The following RABGAP1L variants were observed in gnomAD, a reference collection of about 807,000 sequenced individuals.
RABGAP1L encodes the protein rab GTPase-activating protein 1-like.
RABGAP1L carries 63 observed loss-of-function variants against 137.7 expected under a neutral mutation model. The observed-to-expected ratio is 0.46, with a 90% CI of 0.37 to 0.56. The LOEUF is 0.56. Among genes scored for constraint, RABGAP1L ranks in the 20% least tolerant of loss-of-function variants. RABGAP1L has a pLI of 0.00. For synonymous variants in RABGAP1L, 431 were observed against 433.7 expected, an observed-to-expected ratio of 0.99 and a Z score of 0.08; for missense variants, 1,095 against 1,244.0, an observed-to-expected ratio of 0.88 and a Z score of 1.80.
At chr1:174,678,859 T>C (rs1677843833) in intron 14 of RABGAP1L, among the ~76,000 whole-genome samples, 1 of 152,234 alleles carries the variant, frequency 6.6e-6, no homozygotes, top group East Asian at 1.9e-4. Context: ...GGGCGCCACC[T>C]CACTGGATCA....
chr1:174,257,054 A>C (rs1201675806), intron 7 of RABGAP1L, among the ~76,000 whole-genome samples: 1 of 152,104 alleles, frequency 6.6e-6, no homozygotes, highest in Non-Finnish European at 1.5e-5. Context: ...TCCTCCCCCC[A>C]GTACTATATA....
chr1:174,780,016 A>G (rs1158398249), intron 18 of RABGAP1L, among the ~76,000 whole-genome samples: 2 of 151,936 alleles, frequency 1.3e-5, no homozygotes, highest in East Asian at 3.9e-4. Context: ...CAGTGAGCCG[A>G]GATAGTGCCA....
chr1:174,240,938 TTG>T (rs71958106), intron 4 of RABGAP1L, among the ~76,000 whole-genome samples: 84,438 of 150,402 alleles, frequency 0.56, 25,376 homozygotes, highest in African/African-American at 0.8. Context: ...ATGTGTGTGT[TTG>T]TGTGTGTGTG....
intron 11 of RABGAP1L, among the ~76,000 whole-genome samples, chr1:174,368,410 T>C (rs979189090): frequency 6.6e-6 from 1 of 152,218 alleles, no homozygotes; most frequent in Non-Finnish European, 1.5e-5. Flanking sequence ...AAAAGATTGT[T>C]CTTATTTAAA....
intron 13 of RABGAP1L, among the ~76,000 whole-genome samples, chr1:174,467,517 C>T (rs977210541): frequency 1.3e-5 from 2 of 151,910 alleles, no homozygotes; most frequent in Non-Finnish European, 2.9e-5. Flanking sequence ...TTATCTATAC[C>T]AGGGAAGAGA....
intron 11 of RABGAP1L, among the ~76,000 whole-genome samples, chr1:174,333,451 A>C (rs1681209732): frequency 6.6e-6 from 1 of 152,236 alleles, no homozygotes; most frequent in Admixed American, 6.5e-5. Context: ...TAATTATTAC[A>C]TGTCAACAAA....
chr1:174,901,001 T>C (rs1658046349), intron 19 of RABGAP1L, among the ~76,000 whole-genome samples: 1 of 152,222 alleles, frequency 6.6e-6, no homozygotes, highest in Non-Finnish European at 1.5e-5. Context: ...CTTTTTATTC[T>C]TTTTTCTCTA....
At chr1:174,596,882 C>G (rs549531816) in intron 13 of RABGAP1L, among the ~76,000 whole-genome samples, 1 of 151,984 alleles carries the variant, frequency 6.6e-6, no homozygotes, top group Non-Finnish European at 1.5e-5. Context: ...AAGTATGTTT[C>G]TTCTCTATCC....
chr1:174,198,220 T>G (rs1398657646), intron 1 of RABGAP1L, among the ~76,000 whole-genome samples: 1 of 152,228 alleles, frequency 6.6e-6, no homozygotes. Context: ...TTCTTGATTT[T>G]TAAATATTCA....
intron 10 of RABGAP1L, among the ~76,000 whole-genome samples, chr1:174,293,243 T>C: frequency 6.6e-6 from 1 of 151,920 alleles, no homozygotes; most frequent in East Asian, 1.9e-4. Context: ...ATATGAAGAG[T>C]TTGTAAAGAA....
intron 13 of RABGAP1L, among the ~76,000 whole-genome samples, chr1:174,522,141 A>C (rs1221542268): frequency 6.6e-6 from 1 of 152,124 alleles, no homozygotes; most frequent in African/African-American, 2.4e-5. Context: ...CTAGGCCGTC[A>C]TACAGTAAAG....
chr1:174,709,484 CA>C (rs2148548134), intron 17 of RABGAP1L, among the ~76,000 whole-genome samples: 1 of 152,314 alleles, frequency 6.6e-6, no homozygotes, highest in African/African-American at 2.4e-5. Context: ...AAGGAACAGA[CA>C]GCGATCTTTG....
At chr1:174,172,782 CA>C (rs1665524046) in intron 1 of RABGAP1L, among the ~76,000 whole-genome samples, 1 of 152,126 alleles carries the variant, frequency 6.6e-6, no homozygotes, top group Admixed American at 6.5e-5. Flanking sequence ...ACATAGTTTG[CA>C]AATATTTTCT....
At chr1:174,589,403 C>T (rs1260526783) in intron 13 of RABGAP1L, among the ~76,000 whole-genome samples, 1 of 152,118 alleles carries the variant, frequency 6.6e-6, no homozygotes, top group African/African-American at 2.4e-5. Context: ...TGTAGATTAT[C>T]TCTTCACTTC....
At chr1:174,618,905 G>A (rs61826921) in intron 13 of RABGAP1L, among the ~76,000 whole-genome samples, 13,682 of 152,142 alleles carry the variant, frequency 0.09, 827 homozygotes, top group East Asian at 0.22. Flanking sequence ...AAATTTAGAC[G>A]AATGTATAAC....
At chr1:174,748,947 C>T (rs759995970) in intron 17 of RABGAP1L, among the ~76,000 whole-genome samples, 2 of 151,668 alleles carry the variant, frequency 1.3e-5, no homozygotes, top group East Asian at 1.9e-4. Flanking sequence ...GAGGCCAAGA[C>T]GGGCAGATCA....
intron 12 of RABGAP1L, among the ~76,000 whole-genome samples, chr1:174,389,568 G>A (rs920148545): frequency 6.6e-6 from 1 of 151,944 alleles, no homozygotes; most frequent in African/African-American, 2.4e-5. Flanking sequence ...GAAAGCAAAG[G>A]AAATCCACTA....
intron 1 of RABGAP1L, among the ~76,000 whole-genome samples, chr1:174,164,446 G>A (rs1003220889): frequency 6.6e-6 from 1 of 152,068 alleles, no homozygotes; most frequent in Non-Finnish European, 1.5e-5. Flanking sequence ...ACTTGATTCC[G>A]CAAGCGCACA....
chr1:174,828,564 G>A (rs1309722630), intron 19 of RABGAP1L, among the ~76,000 whole-genome samples: 1 of 148,562 alleles, frequency 6.7e-6, no homozygotes, highest in East Asian at 2.1e-4. Flanking sequence ...GAGTGATCCT[G>A]AGAAAGTTAC....
Sources: allele counts gnomAD v4.1 joint callset (sites outside exome capture counted in the v4.1 genomes callset), GRCh38; gene constraint gnomAD v4.1.1; transcripts MANE v1.5; gene names NCBI Gene and HGNC (gene_info 2026-07-23, HGNC 2026-07-21).